AZIN2: variants seen among roughly 807,000 people sequenced by gnomAD.
The protein encoded by AZIN2 is antizyme inhibitor 2, also known as ODC antizyme inhibitor-2.
In AZIN2, 28 loss-of-function variants were observed where a neutral mutation model predicts 47.8. The observed-to-expected ratio is 0.59, with a 90% CI of 0.43 to 0.80. The LOEUF is 0.80. Ranked by LOEUF, AZIN2 falls within the 30% of genes least tolerant of loss-of-function variation. The pLI, the probability that AZIN2 is intolerant of heterozygous loss-of-function variation, is 0.00. For missense variants in AZIN2, 535 were observed against 582.5 expected, an observed-to-expected ratio of 0.92 and a Z score of 0.84; for synonymous variants, 221 against 239.4, an observed-to-expected ratio of 0.92 and a Z score of 0.71.
chr1:33,116,850 G>T (rs1356258709), intron 10 of AZIN2, among the ~76,000 whole-genome samples: 1 of 152,162 alleles, frequency 6.6e-6, no homozygotes. Context: ...GGTATGGGAA[G>T]GGAAGTAGGG....
In AZIN2 at chr1:33,122,938, C is replaced by G. The variant is rs994155542; in HGVS notation, c.*2756C>G. Among the ~76,000 whole-genome samples the G allele has an allele frequency of 6.6e-6, 1 of 152,186 alleles. No homozygotes were observed. Among genetic ancestry groups the G allele is most frequent in the Admixed American group, 6.5e-5 (1 of 15,270 alleles). On this transcript the variant is annotated 3_prime_UTR_variant, in exon 12 of 12. Coordinates refer to ENST00000294517, the MANE Select transcript of AZIN2 (RefSeq NM_052998.4). Reference sequence around the variant, plus strand: ...TCCACTCAGCAGCCAGATGCCGTACCTCCTGGGATTCCGTTTCACCAAGAA... The same window carrying G: ...TCCACTCAGCAGCCAGATGCCGTACGTCCTGGGATTCCGTTTCACCAAGAA...
chr1:33,161,193 A>G, the AZIN2 span, among the ~76,000 whole-genome samples: 1 of 152,218 alleles, frequency 6.6e-6, no homozygotes, highest in African/African-American at 2.4e-5. This position sits in a 1 kb window ranked among gnomAD's most constrained non-coding sequence, Gnocchi z 4.3. Flanking sequence ...GAAGACTGCA[A>G]TTCTAATAAG....
At chr1:33,099,458 A>G (rs1444935132) in intron 10 of AZIN2, among the ~76,000 whole-genome samples, 1 of 152,180 alleles carries the variant, frequency 6.6e-6, no homozygotes, top group African/African-American at 2.4e-5. Flanking sequence ...CCCACATCCT[A>G]CTGCACTGAG....
intron 10 of AZIN2, among the ~76,000 whole-genome samples, chr1:33,106,757 G>A (rs1644023963): frequency 2.0e-5 from 3 of 152,100 alleles, no homozygotes; most frequent in African/African-American, 7.2e-5. Context: ...GGTATGGAAG[G>A]AATGTACCTC....
the AZIN2 span, among the ~76,000 whole-genome samples, chr1:33,157,663 C>G: frequency 7.9e-5 from 12 of 152,068 alleles, no homozygotes; most frequent in South Asian, 4.1e-4. Flanking sequence ...TCTTATGTAC[C>G]CTGTTGTATA....
At chr1:33,087,270 A>G (rs1642021335) in intron 5 of AZIN2, among the ~76,000 whole-genome samples, 1 of 150,840 alleles carries the variant, frequency 6.6e-6, no homozygotes, top group Non-Finnish European at 1.5e-5. Flanking sequence ...AGTAGCTGGG[A>G]TTACAGGCAT....
the AZIN2 span, among the ~76,000 whole-genome samples, chr1:33,136,524 A>G: frequency 6.6e-6 from 1 of 151,706 alleles, no homozygotes; most frequent in Non-Finnish European, 1.5e-5. Flanking sequence ...GCATGCCACC[A>G]CACCTAGCTA....
chr1:33,120,622 C>CT lies in AZIN2; in HGVS notation c.*443dup, dbSNP rs1340809005. The CT allele has an allele frequency of 6.1e-6, 1 of 162,828 alleles. No individual in the cohort carries two copies. The highest frequency in any genetic ancestry group is 1.4e-5 in the Non-Finnish European group (1 of 73,258). 10.1% of individuals were successfully genotyped at this position (162,828 alleles called of 1,614,324 possible). ...CTCACTGATGAGCCCACACCCTCTGCTTTAGTCCTGAGCCCTGGCTGCAGC... is the reference window on the plus strand; with the variant it reads ...CTCACTGATGAGCCCACACCCTCTGCTTTTAGTCCTGAGCCCTGGCTGCAGC... On this transcript the variant is annotated 3_prime_UTR_variant, in exon 12 of 12. Transcript: ENST00000294517.
intron 10 of AZIN2, among the ~76,000 whole-genome samples, chr1:33,115,084 A>G (rs1319349525): frequency 6.6e-6 from 1 of 152,150 alleles, no homozygotes; most frequent in East Asian, 1.9e-4. Context: ...TGCAGCCAGG[A>G]GGCTCCTTGT....
chr1:33,144,327 G>A, the AZIN2 span, among the ~76,000 whole-genome samples: 2 of 152,104 alleles, frequency 1.3e-5, no homozygotes, highest in Non-Finnish European at 1.5e-5. Flanking sequence ...TAGTAGAGAC[G>A]GGGTTTCTCC....
intron 9 of AZIN2, among the ~76,000 whole-genome samples, chr1:33,097,575 T>G (rs1417221629): frequency 6.6e-6 from 1 of 152,194 alleles, no homozygotes; most frequent in Non-Finnish European, 1.5e-5. Flanking sequence ...CTGTGCGCTT[T>G]TCCCCAGAGA....
chr1:33,127,271 G>GC (rs779840114), downstream of AZIN2, among the ~76,000 whole-genome samples: 32 of 152,224 alleles, frequency 2.1e-4, no homozygotes, highest in Non-Finnish European at 3.4e-4. Flanking sequence ...CCAGCTCACG[G>GC]CCCCCATCCC....
chr1:33,112,753 CTG>C (rs995928441), intron 10 of AZIN2, among the ~76,000 whole-genome samples: 4 of 152,114 alleles, frequency 2.6e-5, no homozygotes, highest in African/African-American at 7.2e-5. Flanking sequence ...TTAACAAAAA[CTG>C]AGTTTGTCAT....
rs867725602 is a variant in AZIN2 at position 33,120,266 on chromosome 1, C to G, written c.*84C>G. The stretch of plus-strand genomic sequence containing the variant: ...GTGGGGAAGATGGCAGGCAAGGGTA[C>G]CCTTGGCCAGGACTCTGGTGCCCAC... On this transcript the variant is annotated 3_prime_UTR_variant, in exon 12 of 12. Transcript: ENST00000294517. 6.6e-7 allele frequency: 1 copy of G among 1,526,360 alleles called. No homozygotes were observed. Among genetic ancestry groups the G allele is most frequent in the African/African-American group, 1.4e-5 (1 of 73,248 alleles). The allele number at this position is 1,526,360 out of a possible 1,614,324, so 94.6% of individuals were successfully genotyped here. A position where few individuals can be genotyped will look rare whatever the true frequency, so the allele number is the denominator to read the frequency against.
downstream of AZIN2, among the ~76,000 whole-genome samples, chr1:33,123,968 C>T (rs1042821506): frequency 1.3e-5 from 2 of 151,922 alleles, no homozygotes; most frequent in African/African-American, 4.8e-5. Context: ...TACACTCCAG[C>T]CCGGATGACA....
the AZIN2 span, among the ~76,000 whole-genome samples, chr1:33,166,468 C>T: frequency 3.3e-5 from 5 of 152,050 alleles, no homozygotes; most frequent in African/African-American, 4.8e-5. Context: ...CAACATTCTC[C>T]GAGGGCTACA....
chr1:33,120,039 C>G lies in AZIN2; in HGVS notation c.1245-5C>G. 1 of 1,613,678 alleles carries G rather than the reference C, an allele frequency of 6.2e-7. No individual in the cohort carries two copies. Among genetic ancestry groups the G allele is most frequent in the East Asian group, 2.2e-5 (1 of 44,880 alleles). ...CTACTTGCAGCACCCCTCTCTCACC[C>G]CTAGGGAAGCGCTGCGAAGGCAGCT... On this transcript the variant is annotated splice_region_variant and splice_polypyrimidine_tract_variant and intron_variant, in intron 11 of 11. Transcript: ENST00000294517.
chr1:33,132,385 T>G, the AZIN2 span, among the ~76,000 whole-genome samples: 2 of 152,254 alleles, frequency 1.3e-5, no homozygotes, highest in Non-Finnish European at 2.9e-5. Flanking sequence ...AGACAATACA[T>G]AAGTGATTGG....
At chr1:33,136,405 A>G in the AZIN2 span, among the ~76,000 whole-genome samples, 30 of 143,762 alleles carry the variant, frequency 2.1e-4, no homozygotes, top group African/African-American at 7.8e-4. Flanking sequence ...GTGCCTCGCC[A>G]TCACCCAGGC....
Sources: allele counts gnomAD v4.1 joint callset (sites outside exome capture counted in the v4.1 genomes callset), GRCh38; gene constraint gnomAD v4.1.1; non-coding constraint Gnocchi (gnomAD v3.1); transcripts MANE v1.5; gene names NCBI Gene and HGNC (gene_info 2026-07-23, HGNC 2026-07-21).